The following DOP1A variants were observed in gnomAD, a reference collection of about 807,000 sequenced individuals.
DOP1A encodes protein DOP1A.
DOP1A carries 90 observed loss-of-function variants against 267.6 expected under a neutral mutation model. That is an observed-to-expected ratio of 0.34 (90% CI 0.28 to 0.40). DOP1A has a LOEUF of 0.40. Ranked by LOEUF, DOP1A falls within the 10% of genes least tolerant of loss-of-function variation. DOP1A has a pLI of 1.00. For synonymous variants in DOP1A, 932 were observed against 999.1 expected (o/e 0.93, Z 1.27); for missense variants, 2,437 against 2,900.4 (o/e 0.84, Z 3.67).
intron 1 of DOP1A, among the ~76,000 whole-genome samples, chr6:83,083,550 A>G (rs1299423077): frequency 6.6e-6 from 1 of 152,158 alleles, no homozygotes; most frequent in African/African-American, 2.4e-5. Context: ...TTATATGAAC[A>G]TGGATTCATG....
At chr6:83,100,103 C>T (rs1436723672) in intron 3 of DOP1A, among the ~76,000 whole-genome samples, 2 of 151,990 alleles carry the variant, frequency 1.3e-5, no homozygotes, top group African/African-American at 4.8e-5. Flanking sequence ...CTGCCCTGAC[C>T]ATTATTTCTA....
At chr6:83,103,661 C>T (rs1235322024) in intron 4 of DOP1A, among the ~76,000 whole-genome samples, 1 of 152,108 alleles carries the variant, frequency 6.6e-6, no homozygotes, top group Non-Finnish European at 1.5e-5. Context: ...TCCTTATGTG[C>T]TTCATTCTCA....
intron 1 of DOP1A, among the ~76,000 whole-genome samples, chr6:83,083,944 T>G (rs1768606083): frequency 1.3e-5 from 2 of 152,220 alleles, no homozygotes; most frequent in South Asian, 4.1e-4. Flanking sequence ...GAATCTGATT[T>G]TATAGCATTC....
Position 83,148,652 on chromosome 6 carries a change from TA to T in DOP1A, c.5733-106del, listed in dbSNP as rs1477287656. ...AACGTTAGTAAAAATGTAAAGTTTT[TA>T]GGAATTTTGTTCTATCATTGTCTAT... On this transcript the variant is annotated intron_variant, in intron 26 of 38. Transcript: ENST00000349129. 2.0e-5 allele frequency: 13 copies of T among 661,084 alleles called. No homozygotes were observed. In the Admixed American group the frequency reaches 4.0e-4, roughly 20 times the overall value. The allele number at this position is 661,084 out of a possible 1,614,324, so 41.0% of individuals were successfully genotyped here. A position where few individuals can be genotyped will look rare whatever the true frequency, so the allele number is the denominator to read the frequency against.
rs559767759 is a variant in DOP1A at position 83,088,161 on chromosome 6, C to T, written c.-146-8570C>T. Among the ~76,000 whole-genome samples the T allele has an allele frequency of 4.6e-5, 7 of 152,100 alleles. No individual in the cohort carries two copies. In the South Asian group the frequency reaches 6.2e-4, roughly 14 times the overall value. On this transcript the variant is annotated intron_variant, in intron 1 of 38. Transcript: ENST00000349129. ...TGTTGGGATTACAGGTGTGAGCCAC[C>T]GCACCCGGCCAACCATTGATGGGTT...
intron 26 of DOP1A, among the ~76,000 whole-genome samples, chr6:83,147,866 G>A (rs1780859967): frequency 6.6e-6 from 1 of 152,132 alleles, no homozygotes; most frequent in Non-Finnish European, 1.5e-5. Context: ...AGGTGTTAGG[G>A]TTAAGGTCAG....
At chr6:83,093,016 G>A in intron 1 of DOP1A, among the ~76,000 whole-genome samples, 1 of 152,128 alleles carries the variant, frequency 6.6e-6, no homozygotes, top group Admixed American at 6.5e-5. Flanking sequence ...TGGATGGGGT[G>A]GGGAAGAAGT....
At position 83,147,115 on chromosome 6, in the gene DOP1A, T is replaced by C. The variant is rs1780757412; in HGVS notation, c.5677-121T>C. 16 of 427,454 alleles carry C rather than the reference T, an allele frequency of 3.7e-5. No individual in the cohort carries two copies. In the East Asian group the frequency reaches 5.6e-4, roughly 15 times the overall value. 26.5% of individuals were successfully genotyped at this position (427,454 alleles called of 1,614,324 possible). On this transcript the variant is annotated intron_variant, in intron 25 of 38. Transcript: ENST00000349129. Reference sequence around the variant, plus strand: ...GCATGGCTCATTAATGAAAAATTGATGATTTTGTTCTTTCAATTTTTTTAA... The same window carrying C: ...GCATGGCTCATTAATGAAAAATTGACGATTTTGTTCTTTCAATTTTTTTAA...
chr6:83,125,677 G>C lies in DOP1A; in HGVS notation c.1663G>C (p.Val555Leu). 1.2e-6 allele frequency: 2 copies of C among 1,613,688 alleles called. No homozygotes were observed. The highest frequency in any genetic ancestry group is 2.2e-5 in the East Asian group (1 of 44,862). ...PPLLSASTGG[V>L]LQFPSGQNNS... ...ACTGTTATCTGCTAGCACTGGAGGT[G>C]TTTTGCAGTTTCCAAGTGGGCAGAA... is the stretch of plus-strand genomic sequence containing the variant. The change falls in exon 15 of 39, where the codon GTT becomes CTT. Residue 555 changes from valine to leucine, a missense_variant. Around this residue, in one of 9 missense-constraint regions of DOP1A, gnomAD observed 498 missense variants for 513.5 expected, o/e 0.97. Transcript: ENST00000349129.
At position 83,151,673 on chromosome 6, in the gene DOP1A, A is replaced by G. The variant is rs769237107; in HGVS notation, c.5904+14A>G. 1 of 1,590,978 alleles carries G rather than the reference A, an allele frequency of 6.3e-7. No individual in the cohort carries two copies. The highest frequency in any genetic ancestry group is 8.5e-7 in the Non-Finnish European group (1 of 1,173,614). ...AGAGACCTTCAGGTAAGGCAGTCTA[A>G]GAGCTGTTGCCAAAACTGTTTCTCA... On this transcript the variant is annotated intron_variant, in intron 28 of 38. Coordinates refer to ENST00000349129, the MANE Select transcript of DOP1A (RefSeq NM_015018.4).
At position 83,139,123 on chromosome 6, in the gene DOP1A, T is replaced by C. The variant is rs769349700; in HGVS notation, c.5081T>C (p.Ile1694Thr). The change falls in exon 21 of 39, where the codon ATT (isoleucine) becomes ACT (threonine). Residue 1694 changes from isoleucine (I) to threonine (T), a missense_variant. Coordinates refer to ENST00000349129, the MANE Select transcript of DOP1A (RefSeq NM_015018.4). ...CTGTGCAGAAATTTAGATAATCTAATTCAGCAGTACAAATACGAAACAGGA... is the reference window on the plus strand; with the variant it reads ...CTGTGCAGAAATTTAGATAATCTAACTCAGCAGTACAAATACGAAACAGGA... ...LQLCRNLDNL[I>T]QQYKYETGLS... 1.2e-6 allele frequency: 2 copies of C among 1,613,850 alleles called. No individual in the cohort carries two copies. The highest frequency in any genetic ancestry group is 1.1e-5 in the South Asian group (1 of 91,052).
chr6:83,164,946 C>G, intron 38 of DOP1A: 1 of 449,018 alleles, frequency 2.2e-6, no homozygotes. Context: ...ATCAGAAACT[C>G]TGAATCAAGT....
At chr6:83,079,582 CTATT>C (rs752302680) in intron 1 of DOP1A, among the ~76,000 whole-genome samples, 55 of 152,056 alleles carry the variant, frequency 3.6e-4, no homozygotes, top group Non-Finnish European at 5.2e-4. Context: ...TAATAGCATA[CTATT>C]TATTTTTTAA....
At chr6:83,164,721 T>A (rs749548871) in intron 38 of DOP1A, 1 of 1,587,250 alleles carries the variant, frequency 6.3e-7, no homozygotes, top group African/African-American at 1.3e-5. Flanking sequence ...AAGCATCAGG[T>A]GAGGGTGGCT....
At chr6:83,116,545 C>G (rs1463676330) in intron 7 of DOP1A, among the ~76,000 whole-genome samples, 4 of 152,126 alleles carry the variant, frequency 2.6e-5, no homozygotes, top group African/African-American at 9.7e-5. Context: ...TGCGGTGGCT[C>G]ACACCTGTAA....
At chr6:83,134,529 A>G in intron 19 of DOP1A, 2 of 382,520 alleles carry the variant, frequency 5.2e-6, no homozygotes, top group Non-Finnish European at 9.4e-6. Flanking sequence ...ACAACTATTC[A>G]TCACGTTCCT....
chr6:83,169,807 C>T, downstream of DOP1A: 1 of 457,392 alleles, frequency 2.2e-6, no homozygotes. Context: ...GTGAAGAGGC[C>T]AAATAATAAA....
intron 19 of DOP1A, among the ~76,000 whole-genome samples, chr6:83,134,846 GT>G (rs1479373162): frequency 1.3e-5 from 2 of 152,000 alleles, no homozygotes; most frequent in Non-Finnish European, 2.9e-5. Flanking sequence ...TTGTCATAAG[GT>G]AGTCTCACCA....
At chr6:83,155,166 G>T (rs1442652714) in intron 33 of DOP1A, among the ~76,000 whole-genome samples, 2 of 152,034 alleles carry the variant, frequency 1.3e-5, no homozygotes, top group Non-Finnish European at 2.9e-5. Context: ...TAGGGAACAA[G>T]AATTACAAAG....
Sources: allele counts gnomAD v4.1 joint callset (sites outside exome capture counted in the v4.1 genomes callset), GRCh38; gene constraint gnomAD v4.1.1; regional missense constraint gnomAD v4.1.1; transcripts MANE v1.5; gene names NCBI Gene and HGNC (gene_info 2026-07-23, HGNC 2026-07-21).